The following CDH13 variants were observed in gnomAD, a reference collection of about 807,000 sequenced individuals.
CDH13 encodes the protein cadherin-13.
In CDH13, 24 loss-of-function variants were observed where a neutral mutation model predicts 63.8. The ratio of observed to expected loss-of-function variants is 0.38; its 90% CI spans 0.27 to 0.53. The LOEUF (loss-of-function observed/expected upper bound fraction) is 0.53. Ranked by LOEUF, CDH13 falls within the 20% of genes least tolerant of loss-of-function variation. The probability of loss-of-function intolerance (pLI) is 0.85; values close to 1 mark genes in which losing one functional copy is unlikely to be tolerated. For synonymous variants in CDH13, 503 were observed against 355.3 expected, an observed-to-expected ratio of 1.42 and a Z score of -4.67; for missense variants, 1,049 against 903.1, an observed-to-expected ratio of 1.16 and a Z score of -2.07.
Position 83,303,785 on chromosome 16 carries a change from G to A in CDH13, c.637-41077G>A, listed in dbSNP as rs1186822143. ...TCAAAGAGCCATATTTTGGAGTGTT[G>A]TGTTCTGATCCCCAATACCAGAATT... On this transcript the variant is annotated intron_variant, in intron 5 of 13. Coordinates refer to ENST00000567109, the MANE Select transcript of CDH13 (RefSeq NM_001257.5). Among the ~76,000 whole-genome samples, 6 of 152,258 alleles carry A rather than the reference G, an allele frequency of 3.9e-5. No homozygotes were observed. The East Asian group carries it at 7.7e-4, about 20-fold the overall frequency.
At chr16:82,667,672 G>A (rs897274519) in intron 1 of CDH13, among the ~76,000 whole-genome samples, 3 of 152,162 alleles carry the variant, frequency 2.0e-5, no homozygotes, top group African/African-American at 7.2e-5. Context: ...ACGTGAGTGA[G>A]GAAGGCGAAG....
At chr16:83,540,594 C>T (rs139506839) in intron 7 of CDH13, among the ~76,000 whole-genome samples, 6 of 152,284 alleles carry the variant, frequency 3.9e-5, no homozygotes, top group East Asian at 1.9e-4. Flanking sequence ...TCCATTTCTA[C>T]GTTTGTCCCT....
rs77235595 is a variant in CDH13 at position 83,703,405 on chromosome 16, G to A, written c.1538+24944G>A. 8.1e-4 allele frequency among the ~76,000 whole-genome samples: 124 copies of A among 152,296 alleles called. 1 individual carries two copies. Among genetic ancestry groups the A allele is most frequent in the African/African-American group, 2.9e-3 (122 of 41,564 alleles). On this transcript the variant is annotated intron_variant, in intron 10 of 13. Transcript: ENST00000567109. ...CCCCAGTGTCCAACAATAGGAGGCT[G>A]GATAAATATATTACAGAGTTGCCAT...
intron 3 of CDH13, among the ~76,000 whole-genome samples, chr16:83,105,342 C>T (rs897347297): frequency 6.6e-6 from 1 of 152,218 alleles, no homozygotes. Context: ...GTGACATCCA[C>T]CATCATCTGC....
intron 4 of CDH13, among the ~76,000 whole-genome samples, chr16:83,192,010 CGG>C (rs1430996827): frequency 6.6e-6 from 1 of 152,024 alleles, no homozygotes; most frequent in Non-Finnish European, 1.5e-5. Flanking sequence ...ATTGATATGA[CGG>C]TTAAAGGGGA....
At chr16:83,380,613 C>G (rs2091546414) in intron 6 of CDH13, among the ~76,000 whole-genome samples, 1 of 152,178 alleles carries the variant, frequency 6.6e-6, no homozygotes, top group South Asian at 2.1e-4. Context: ...GGACAAAATT[C>G]TACCATTCTC....
chr16:82,970,251 C>G (rs1200779132), intron 2 of CDH13, among the ~76,000 whole-genome samples: 1 of 152,160 alleles, frequency 6.6e-6, no homozygotes, highest in Non-Finnish European at 1.5e-5. Context: ...CTGCAAAAGA[C>G]AGGAACTCAT....
intron 2 of CDH13, among the ~76,000 whole-genome samples, chr16:82,914,562 G>A (rs576113879): frequency 2.0e-5 from 3 of 152,252 alleles, no homozygotes; most frequent in South Asian, 4.2e-4. Flanking sequence ...AGAGTCTGAC[G>A]TTATCAATCA....
intron 1 of CDH13, among the ~76,000 whole-genome samples, chr16:82,828,666 A>G (rs188665138): frequency 8.9e-4 from 75 of 84,192 alleles, no homozygotes; most frequent in South Asian, 3.0e-3. Context: ...GTGTGTGTGT[A>G]TATATATATA....
rs746904500 is a variant in CDH13 at position 83,000,223 on chromosome 16, A to AT, written c.158-31746dup. Among the ~76,000 whole-genome samples, 22 of 37,024 alleles carry AT rather than the reference A, an allele frequency of 5.9e-4. 7 individuals are homozygous for AT. Among genetic ancestry groups the AT allele is most frequent in the East Asian group, 2.8e-3 (2 of 712 alleles). The allele number at this position is 37,024 out of a possible 152,430, so 24.3% of individuals were successfully genotyped here. ...CTAGGAATATCCACAGGTTTAGCTTATTTTTTTTTTTTTTTTTTTTTTTTT... is the reference window on the plus strand; with the variant it reads ...CTAGGAATATCCACAGGTTTAGCTTATTTTTTTTTTTTTTTTTTTTTTTTTT... On this transcript the variant is annotated intron_variant, in intron 2 of 13. Transcript: ENST00000567109.
At chr16:83,148,545 A>G (rs1192296743) in intron 4 of CDH13, among the ~76,000 whole-genome samples, 1 of 152,174 alleles carries the variant, frequency 6.6e-6, no homozygotes, top group African/African-American at 2.4e-5. Context: ...CATTTTATGC[A>G]CCTGCACAGT....
intron 4 of CDH13, among the ~76,000 whole-genome samples, chr16:83,178,193 G>C (rs181845809): frequency 6.6e-6 from 1 of 152,204 alleles, no homozygotes; most frequent in East Asian, 1.9e-4. Context: ...ATAGACATTT[G>C]GGGCAGATAA....
intron 1 of CDH13, among the ~76,000 whole-genome samples, chr16:82,771,533 C>T (rs1383048333): frequency 1.3e-5 from 2 of 152,124 alleles, no homozygotes; most frequent in African/African-American, 2.4e-5. Flanking sequence ...TCTTCCTCCC[C>T]GAAAGTGGAG....
At chr16:83,240,170 C>T (rs1197488165) in intron 5 of CDH13, among the ~76,000 whole-genome samples, 3 of 152,170 alleles carry the variant, frequency 2.0e-5, no homozygotes, top group South Asian at 4.1e-4. Context: ...GTGTACCCCT[C>T]ATTTCTTTTT....
chr16:82,753,059 C>G (rs2034480425), intron 1 of CDH13, among the ~76,000 whole-genome samples: 1 of 152,120 alleles, frequency 6.6e-6, no homozygotes, highest in Non-Finnish European at 1.5e-5. Flanking sequence ...CTAATAACAT[C>G]AATGTTTAAC....
intron 7 of CDH13, among the ~76,000 whole-genome samples, chr16:83,498,650 A>T (rs2074202804): frequency 6.6e-6 from 1 of 152,168 alleles, no homozygotes; most frequent in South Asian, 2.1e-4. Flanking sequence ...CTAAGATTTA[A>T]ACCCCTATCA....
At chr16:83,287,333 G>C (rs998446069) in intron 5 of CDH13, among the ~76,000 whole-genome samples, 4 of 152,302 alleles carry the variant, frequency 2.6e-5, no homozygotes, top group African/African-American at 9.6e-5. Context: ...CCACAGGCCA[G>C]TACTAGCCTA....
intron 1 of CDH13, chr16:82,637,493 C>G (rs1346123728): frequency 1.6e-5 from 2 of 126,582 alleles, no homozygotes; most frequent in Non-Finnish European, 3.2e-5. Context: ...GGCAGTGGCG[C>G]GATCTCGGCT....
At chr16:83,474,669 G>A (rs903122117) in intron 6 of CDH13, among the ~76,000 whole-genome samples, 1 of 152,198 alleles carries the variant, frequency 6.6e-6, no homozygotes, top group Non-Finnish European at 1.5e-5. Context: ...TAAAGCAGAA[G>A]CCAAGGAAAT....
Sources: gnomAD v4.1 joint callset for allele counts (sites outside exome capture counted in the v4.1 genomes callset) on GRCh38, gnomAD v4.1.1 for gene constraint, MANE v1.5 for transcripts, NCBI Gene and HGNC (gene_info 2026-07-23, HGNC 2026-07-21) for gene names.